Variants in PROX2 observed in about 807,000 individuals in gnomAD.
PROX2 encodes the protein prospero homeobox 2, also known as prospero homeobox protein 2.
PROX2 carries 46 observed loss-of-function variants against 48.9 expected under a neutral mutation model. The ratio of observed to expected loss-of-function variants is 0.94; its 90% confidence interval spans 0.74 to 1.20. The LOEUF (loss-of-function observed/expected upper bound fraction) is 1.20. Ranked by LOEUF, PROX2 falls within the 50% of genes most tolerant of loss-of-function variation. The pLI is 0.00. For missense variants in PROX2, 663 were observed against 719.4 expected (o/e 0.92, Z 0.90); for synonymous variants, 260 against 276.6 (o/e 0.94, Z 0.60).
At chr14:74,869,586 T>C (rs1883161636) in intron 2 of PROX2, among the ~76,000 whole-genome samples, 1 of 152,216 alleles carries the variant, frequency 6.6e-6, no homozygotes, top group African/African-American at 2.4e-5. Context: ...TCTCAACTTT[T>C]ACTCTGTGTA....
chr14:74,863,954 G>A lies in PROX2; in HGVS notation c.-120C>T. 3 of 1,236,684 alleles carry A rather than the reference G, an allele frequency of 2.4e-6. No individual in the cohort carries two copies. The highest frequency in any genetic ancestry group is 3.1e-6 in the Non-Finnish European group (3 of 972,484). 76.6% of individuals were successfully genotyped at this position (1,236,684 alleles called of 1,614,324 possible). ...AGAAGGGTAAAGAGCCACTGTCACT[G>A]AGGAAGGATTCAGATTCTGGGATGC... is the stretch of plus-strand genomic sequence containing the variant. On this transcript the variant is annotated 5_prime_UTR_variant, in exon 3 of 6. Transcript: ENST00000556489.
chr14:74,856,142 A>C (rs2091741148), intron 5 of PROX2: 1 of 152,302 alleles, frequency 6.6e-6, no homozygotes, highest in East Asian at 1.9e-4. Context: ...GCACCTGCAG[A>C]ATCAGATGCC....
chr14:74,869,262 C>G (rs1372630959), intron 2 of PROX2, among the ~76,000 whole-genome samples: 1 of 151,612 alleles, frequency 6.6e-6, no homozygotes, highest in Non-Finnish European at 1.5e-5. Flanking sequence ...AGAGGAGGGA[C>G]TGAAGCAGAA....
intron 3 of PROX2, among the ~76,000 whole-genome samples, chr14:74,860,011 C>T (rs967302528): frequency 6.6e-6 from 1 of 152,208 alleles, no homozygotes; most frequent in African/African-American, 2.4e-5. Flanking sequence ...TTGTACTTGG[C>T]CATCAGATCC....
rs1208112879 is a variant in PROX2 at position 74,862,968 on chromosome 14, G to C, written c.867C>G (p.Pro289=). The C allele has an allele frequency of 6.2e-7, 1 of 1,613,988 alleles. No homozygotes were observed. Reference sequence around the variant, plus strand: ...CCCCAGCTTGTAGCTGGACCCTCCTGGGCAAGGCAGCCAAAGCAAGTGGAT... The same window carrying C: ...CCCCAGCTTGTAGCTGGACCCTCCTCGGCAAGGCAGCCAAAGCAAGTGGAT... ...CKDPLALAAL[P]RRVQLQAGVP... is the part of the protein sequence containing the mutation. The change falls in exon 3 of 6, where the codon CCC becomes CCG. Residue 289 remains proline, a synonymous_variant. Transcript: ENST00000556489.
chr14:74,875,341 T>C (rs998602837), intron 1 of PROX2, among the ~76,000 whole-genome samples: 3 of 152,180 alleles, frequency 2.0e-5, no homozygotes, highest in Non-Finnish European at 4.4e-5. Context: ...GACATGCCTT[T>C]ACTTTATGGA....
Position 74,858,454 on chromosome 14 carries a change from G to T in PROX2, c.1366C>A (p.Arg456=), listed in dbSNP as rs201032196. Residue 456 remains arginine, a synonymous_variant, in exon 4 of 6, where the codon CGA becomes AGA. Coordinates refer to ENST00000556489, the MANE Select transcript of PROX2 (RefSeq NM_001243007.2). The part of the protein sequence containing the change: ...KKAKLMFFFT[R]YPSSNLLKVY... ...TTCAGGAGGTTGGAGCTGGGATATC[G>T]TGTGAAGAAAAACATTAGTTTGGCC... The T allele has an allele frequency of 1.9e-6, 3 of 1,586,352 alleles. No individual in the cohort carries two copies. In the East Asian group the frequency reaches 6.8e-5, roughly 36 times the overall value.
At chr14:74,870,800 G>C (rs1464459821) in intron 2 of PROX2, among the ~76,000 whole-genome samples, 1 of 152,186 alleles carries the variant, frequency 6.6e-6, no homozygotes, top group African/African-American at 2.4e-5. Flanking sequence ...AGCACTTTGG[G>C]AGGCCAAGGG....
chr14:74,873,492 A>G (rs79072050), intron 1 of PROX2, among the ~76,000 whole-genome samples: 196 of 152,290 alleles, frequency 1.3e-3, no homozygotes, highest in Middle Eastern at 3.4e-3. Context: ...AGGAGCCCCC[A>G]CAGCCATAGA....
intron 1 of PROX2, among the ~76,000 whole-genome samples, chr14:74,872,717 A>C (rs2140175130): frequency 6.6e-6 from 1 of 152,210 alleles, no homozygotes; most frequent in East Asian, 1.9e-4. Context: ...CTCTATGATG[A>C]GAGGCCCCCT....
rs919710946 is a variant in PROX2, at chr14:74,853,292, C to T, written c.*1840G>A. 1 of 152,214 alleles carries T rather than the reference C, an allele frequency of 6.6e-6. No homozygotes were observed. The highest frequency in any genetic ancestry group is 2.4e-5 in the African/African-American group (1 of 41,456). The allele number at this position is 152,214 out of a possible 1,614,324, so 9.4% of individuals were successfully genotyped here. A position where few individuals can be genotyped will look rare whatever the true frequency, so the allele number is the denominator to read the frequency against. On this transcript the variant is annotated 3_prime_UTR_variant, in exon 6 of 6. Transcript: ENST00000556489. The stretch of plus-strand genomic sequence containing the variant: ...GAACTTGTTTCCCCTGTATGTCTAA[C>T]TTAGGTATGTAATGTCACTCTGGAT...
intron 2 of PROX2, among the ~76,000 whole-genome samples, chr14:74,864,587 A>G (rs932583546): frequency 1.1e-4 from 16 of 152,204 alleles, no homozygotes; most frequent in African/African-American, 3.9e-4. Context: ...CACGCCTGTA[A>G]TCCCAGCACT....
chr14:74,863,477 C>G lies in PROX2; in HGVS notation c.358G>C (p.Ala120Pro). 3 of 1,613,658 alleles carry G rather than the reference C, an allele frequency of 1.9e-6. No individual in the cohort carries two copies. The highest frequency in any genetic ancestry group is 4.5e-5 in the East Asian group (2 of 44,880). The change falls in exon 3 of 6, where the codon GCC becomes CCC. Residue 120 changes from alanine (A) to proline (P), a missense_variant. Transcript: ENST00000556489. The stretch of plus-strand genomic sequence containing the variant: ...CCCTTCCTGTTGCCCTGGTCCCAGG[C>G]AGGGGCTGGCATCAGGAGGCCTTGC... The part of the protein sequence containing the change: ...TPQGLLMPAP[A>P]WDQGNRKGGP...
chr14:74,865,505 T>C (rs1883032136), intron 2 of PROX2, among the ~76,000 whole-genome samples: 1 of 152,214 alleles, frequency 6.6e-6, no homozygotes, highest in Non-Finnish European at 1.5e-5. Flanking sequence ...AGCATCAAAG[T>C]ACACTATACT....
intron 1 of PROX2, among the ~76,000 whole-genome samples, chr14:74,872,145 G>A (rs1883230956): frequency 6.6e-6 from 1 of 152,194 alleles, no homozygotes; most frequent in South Asian, 2.1e-4. Flanking sequence ...AATAAAGCAA[G>A]GTGGGCTATG....
chr14:74,858,521 C>G lies in PROX2; in HGVS notation c.1306-7G>C, dbSNP rs565257979. The G allele has an allele frequency of 4.7e-5, 70 of 1,489,030 alleles. No individual in the cohort carries two copies. The South Asian group carries it at 6.7e-4, about 14-fold the overall frequency. 92.2% of individuals were successfully genotyped at this position (1,489,030 alleles called of 1,614,324 possible). Reference sequence around the variant, plus strand: ...GGTTTAGACCCTCCTGGATTTATCTCAGTGTCAAGGAAAATGAACACTTTA... The same window carrying G: ...GGTTTAGACCCTCCTGGATTTATCTGAGTGTCAAGGAAAATGAACACTTTA... On this transcript the variant is annotated splice_polypyrimidine_tract_variant and splice_region_variant and intron_variant, in intron 3 of 5. Transcript: ENST00000556489.
chr14:74,862,490 C>T (rs1291598691), intron 3 of PROX2, 40 bp downstream of exon 3: 1 of 1,575,608 alleles, frequency 6.3e-7, no homozygotes, highest in African/African-American at 1.3e-5. Context: ...CACACTGCAC[C>T]TGGCCAACAA....
chr14:74,868,213 T>A (rs1334147623), intron 2 of PROX2, among the ~76,000 whole-genome samples: 1 of 151,004 alleles, frequency 6.6e-6, no homozygotes, highest in Non-Finnish European at 1.5e-5. Context: ...AGAAAGACAC[T>A]CTAATGCCAC....
rs1269295795 is a variant in PROX2 at position 74,855,385 on chromosome 14, G to A, written c.1609-83C>T. 6 of 1,201,430 alleles carry A rather than the reference G, an allele frequency of 5.0e-6. No homozygotes were observed. In the South Asian group the frequency reaches 6.0e-5, roughly 12 times the overall value. 74.4% of individuals were successfully genotyped at this position (1,201,430 alleles called of 1,614,324 possible). On this transcript the variant is annotated intron_variant, in intron 5 of 5. Transcript: ENST00000556489. ...GCCAGAGCCCTCACTAGCGGGTGCT[G>A]CCTGTTTCTTGGGTAGTGGGCTAGG...
Sources: allele counts gnomAD v4.1 joint callset (sites outside exome capture counted in the v4.1 genomes callset), GRCh38; gene constraint gnomAD v4.1.1; transcripts MANE v1.5; gene names NCBI Gene and HGNC (gene_info 2026-07-23, HGNC 2026-07-21).